Variants in LIMCH1 observed in about 807,000 individuals in gnomAD.
The protein encoded by LIMCH1 is LIM and calponin homology domains 1.
In LIMCH1, 113 loss-of-function variants were observed where a neutral mutation model predicts 176.5. That is an observed-to-expected ratio of 0.64 (90% CI 0.55 to 0.75). LIMCH1 has a LOEUF of 0.75. Among genes scored for constraint, LIMCH1 ranks in the 30% least tolerant of loss-of-function variants. The pLI, the probability that LIMCH1 is intolerant of heterozygous loss-of-function variation, is 0.00. For synonymous variants in LIMCH1, 619 were observed against 645.9 expected (o/e 0.96, Z 0.63); for missense variants, 1,674 against 1,814.9 (o/e 0.92, Z 1.41).
chr4:41,457,801 T>C (rs753260424), intron 1 of LIMCH1, among the ~76,000 whole-genome samples: 46 of 152,300 alleles, frequency 3.0e-4, no homozygotes, highest in Middle Eastern at 3.4e-3. Context: ...TTGCAAATCA[T>C]CTGACTGGAG....
chr4:41,640,204 G>T (rs2093762694), intron 14 of LIMCH1, among the ~76,000 whole-genome samples: 1 of 152,170 alleles, frequency 6.6e-6, no homozygotes, highest in African/African-American at 2.4e-5. Flanking sequence ...TTGAGCCCTG[G>T]TTATTACTTT....
chr4:41,677,373 A>C (rs1231492114), intron 23 of LIMCH1, among the ~76,000 whole-genome samples: 1 of 152,172 alleles, frequency 6.6e-6, no homozygotes, highest in Non-Finnish European at 1.5e-5. Context: ...ACGCCATTGC[A>C]CTCCAGCCTG....
At chr4:41,630,877 A>C (rs1370676972) in intron 9 of LIMCH1, among the ~76,000 whole-genome samples, 1 of 152,224 alleles carries the variant, frequency 6.6e-6, no homozygotes, top group Non-Finnish European at 1.5e-5. Context: ...ATACGTGTAT[A>C]CCTAATACAG....
intron 4 of LIMCH1, among the ~76,000 whole-genome samples, chr4:41,606,340 G>A (rs2090707700): frequency 6.6e-6 from 1 of 152,132 alleles, no homozygotes; most frequent in Admixed American, 6.5e-5. Flanking sequence ...ATTAAACAAT[G>A]CAGTATTATG....
At chr4:41,667,394 C>CAT (rs1397267973) in intron 21 of LIMCH1, among the ~76,000 whole-genome samples, 1 of 150,148 alleles carries the variant, frequency 6.7e-6, no homozygotes, top group Admixed American at 6.7e-5. Flanking sequence ...ATTACATTCT[C>CAT]ATATATATAT....
At chr4:41,451,593 T>C (rs2063892493) in intron 1 of LIMCH1, among the ~76,000 whole-genome samples, 1 of 152,192 alleles carries the variant, frequency 6.6e-6, no homozygotes, top group Non-Finnish European at 1.5e-5. Flanking sequence ...TCAGGAATAT[T>C]TGAGGATTGG....
intron 1 of LIMCH1, among the ~76,000 whole-genome samples, chr4:41,594,253 AT>A (rs908497695): frequency 1.3e-5 from 2 of 152,220 alleles, no homozygotes; most frequent in African/African-American, 4.8e-5. Context: ...TTGATTGCCA[AT>A]TTTTGTTTTA....
At chr4:41,503,199 A>G (rs1026025757) in intron 2 of LIMCH1, among the ~76,000 whole-genome samples, 1 of 152,178 alleles carries the variant, frequency 6.6e-6, no homozygotes, top group African/African-American at 2.4e-5. Flanking sequence ...GAGTAATTCC[A>G]GTAGAAGTCC....
intron 1 of LIMCH1, among the ~76,000 whole-genome samples, chr4:41,585,772 G>C (rs2086333569): frequency 6.6e-6 from 1 of 152,106 alleles, no homozygotes; most frequent in Admixed American, 6.5e-5. Flanking sequence ...TGATTTGCCT[G>C]TTATTATTGT....
intron 31 of LIMCH1, among the ~76,000 whole-genome samples, chr4:41,695,029 C>A (rs565589635): frequency 2.7e-4 from 41 of 151,992 alleles, no homozygotes; most frequent in Non-Finnish European, 4.4e-4. Flanking sequence ...TTTATATTTC[C>A]TTTTCTGTAA....
intron 1 of LIMCH1, among the ~76,000 whole-genome samples, chr4:41,399,700 T>TTTTTTTTTG (rs2058177644): frequency 2.0e-5 from 3 of 147,420 alleles, no homozygotes; most frequent in Admixed American, 6.8e-5. Context: ...TTTTTTTTTT[T>TTTTTTTTTG]GAGATGGAGT....
chr4:41,563,894 G>C (rs900736661), intron 1 of LIMCH1, among the ~76,000 whole-genome samples: 2 of 152,046 alleles, frequency 1.3e-5, no homozygotes, highest in African/African-American at 4.8e-5. Context: ...TACCATCAGG[G>C]ATCTCCTGTC....
intron 1 of LIMCH1, among the ~76,000 whole-genome samples, chr4:41,568,716 C>T (rs753795319): frequency 2.6e-5 from 4 of 152,034 alleles, no homozygotes; most frequent in South Asian, 2.1e-4. Flanking sequence ...GGCTATAGGT[C>T]GAGGTATTGG....
chr4:41,669,639 A>T (rs1421843784), intron 21 of LIMCH1, among the ~76,000 whole-genome samples: 1 of 152,246 alleles, frequency 6.6e-6, no homozygotes, highest in Non-Finnish European at 1.5e-5. Context: ...CACCAAAAAT[A>T]TCACTGATTG....
chr4:41,664,111 A>G (rs1478029512), intron 20 of LIMCH1, among the ~76,000 whole-genome samples: 1 of 152,168 alleles, frequency 6.6e-6, no homozygotes, highest in Non-Finnish European at 1.5e-5. Flanking sequence ...GGCAGAGCCC[A>G]GGCATCTGTA....
At chr4:41,420,121 C>T (rs187772633) in intron 1 of LIMCH1, among the ~76,000 whole-genome samples, 1 of 152,098 alleles carries the variant, frequency 6.6e-6, no homozygotes, top group African/African-American at 2.4e-5. Context: ...TCAGCTGAGA[C>T]CTGAATGTTG....
intron 7 of LIMCH1, among the ~76,000 whole-genome samples, chr4:41,622,524 G>T (rs570088905): frequency 5.3e-5 from 8 of 152,276 alleles, no homozygotes; most frequent in Middle Eastern, 3.4e-3. Context: ...GGATGAAGGG[G>T]AGCGGCATTA....
In LIMCH1 at chr4:41,382,391, C is replaced by T. The variant is rs547532163; in HGVS notation, c.96+21455C>T. ...AACTGGGGACACGGTTATTCATGGG[C>T]GGGGGAGGGAGGGGTGCTGTCAGAG... On this transcript the variant is annotated intron_variant, in intron 1 of 26. Coordinates refer to the LIMCH1 transcript ENST00000313860. Among the ~76,000 whole-genome samples, 12 of 86,322 alleles carry T rather than the reference C, an allele frequency of 1.4e-4. No homozygotes were observed. The South Asian group carries it at 4.0e-3, about 29-fold the overall frequency. 56.6% of individuals were successfully genotyped at this position (86,322 alleles called of 152,430 possible). A position where few individuals can be genotyped will look rare whatever the true frequency, so the allele number is the denominator to read the frequency against.
intron 21 of LIMCH1, among the ~76,000 whole-genome samples, 157 bp from the exon 22 acceptor site, chr4:41,671,397 A>AACACACACACACACACACACAC (rs141018823): frequency 2.2e-5 from 3 of 137,484 alleles, no homozygotes; most frequent in Non-Finnish European, 4.8e-5. Flanking sequence ...TGACTTACCA[A>AACACACACACACACACACACAC]ACACACACAC....
Sources: allele counts gnomAD v4.1 joint callset (sites outside exome capture counted in the v4.1 genomes callset), GRCh38; gene constraint gnomAD v4.1.1; transcripts MANE v1.5; gene names NCBI Gene and HGNC (gene_info 2026-07-23, HGNC 2026-07-21).